Variants in RBFOX1 observed in about 807,000 individuals in gnomAD.
RBFOX1 encodes the protein RNA binding protein fox-1 homolog 1.
In RBFOX1, 8 loss-of-function variants were observed where a neutral mutation model predicts 57.7. The observed-to-expected ratio is 0.14, with a 90% CI of 0.08 to 0.25. RBFOX1 has a LOEUF of 0.25. RBFOX1 is among the 10% of genes least tolerant of loss of function. The pLI is 1.00. For missense variants in RBFOX1, 611 were observed against 548.5 expected (o/e 1.11, Z -1.14); for synonymous variants, 326 against 222.4 (o/e 1.47, Z -4.15).
chr16:7,329,095 C>T (rs191062201), intron 4 of RBFOX1, among the ~76,000 whole-genome samples: 1 of 152,184 alleles, frequency 6.6e-6, no homozygotes, highest in African/African-American at 2.4e-5. Flanking sequence ...CACGCTACAA[C>T]AGCAGAATTT....
At chr16:6,622,367 G>C (rs932035869) in intron 2 of RBFOX1, among the ~76,000 whole-genome samples, 1 of 152,124 alleles carries the variant, frequency 6.6e-6, no homozygotes, top group Admixed American at 6.5e-5. Flanking sequence ...TGTATAGATA[G>C]ATTTAGATAC....
chr16:6,055,151 AG>A (rs1419359310), intron 1 of RBFOX1, among the ~76,000 whole-genome samples: 2 of 152,124 alleles, frequency 1.3e-5, no homozygotes, highest in Admixed American at 1.3e-4. Context: ...GGTCATTTAT[AG>A]TATTTTGGAA....
chr16:6,969,643 C>T (rs950331229), intron 3 of RBFOX1, among the ~76,000 whole-genome samples: 6 of 152,070 alleles, frequency 3.9e-5, no homozygotes, highest in Non-Finnish European at 7.4e-5. Context: ...ACTCGGGAGG[C>T]TGAGGTGGGA....
intron 4 of RBFOX1, among the ~76,000 whole-genome samples, chr16:7,240,332 C>G (rs544480738): frequency 1.8e-4 from 28 of 152,152 alleles, no homozygotes; most frequent in African/African-American, 6.5e-4. Context: ...AGGTAGTGTT[C>G]TAAGTACTTT....
At chr16:7,115,782 C>G (rs1241869245) in intron 4 of RBFOX1, among the ~76,000 whole-genome samples, 4 of 152,172 alleles carry the variant, frequency 2.6e-5, no homozygotes, top group East Asian at 1.9e-4. Flanking sequence ...TTAATCTAGC[C>G]TGCCCCGAAG....
intron 3 of RBFOX1, among the ~76,000 whole-genome samples, chr16:6,701,026 G>T (rs909384229): frequency 7.0e-6 from 1 of 143,384 alleles, no homozygotes; most frequent in Non-Finnish European, 1.5e-5. Context: ...AGAGAGCAGA[G>T]TTGGGCAGAG....
At position 7,381,512 on chromosome 16, in the gene RBFOX1, TTTTTA is replaced by T. The variant is rs746314557; in HGVS notation, c.28-136627_28-136623del. Among the ~76,000 whole-genome samples the T allele has an allele frequency of 5.9e-5, 9 of 152,008 alleles. No homozygotes were observed. The East Asian group carries it at 1.7e-3, about 29-fold the overall frequency. ...ATACATCGTTCCCCCCCGCCTTTTT[TTTTTA>T]TTTTATTAACAGCTTCACAGTGTTC... On this transcript the variant is annotated intron_variant, in intron 4 of 15. Coordinates refer to ENST00000550418, the MANE Select transcript of RBFOX1 (RefSeq NM_018723.4).
intron 1 of RBFOX1, among the ~76,000 whole-genome samples, chr16:5,383,086 A>G (rs2066169600): frequency 1.3e-5 from 2 of 152,208 alleles, no homozygotes; most frequent in South Asian, 4.1e-4. Flanking sequence ...CAGATGCGGC[A>G]CAGTCCGTTA....
At chr16:6,640,366 G>C (rs11077060) in intron 2 of RBFOX1, among the ~76,000 whole-genome samples, 1 of 151,774 alleles carries the variant, frequency 6.6e-6, no homozygotes, top group Non-Finnish European at 1.5e-5. Context: ...CCCAGAACTT[G>C]GGGAGGCCGA....
rs144091444 is a variant in RBFOX1, at chr16:6,827,641, C to A, written c.-16+172991C>A. On this transcript the variant is annotated intron_variant, in intron 3 of 15. Coordinates refer to ENST00000550418, the MANE Select transcript of RBFOX1 (RefSeq NM_018723.4). ...CCATCCTTCACTGCTCAGCAGTCAC[C>A]TCCTTCCCCCTCCTCACCCTTTTGA... 2.0e-5 allele frequency among the ~76,000 whole-genome samples: 3 copies of A among 152,284 alleles called. No homozygotes were observed. The East Asian group carries it at 5.8e-4, about 29-fold the overall frequency.
chr16:6,674,292 A>G (rs2098786679), intron 3 of RBFOX1, among the ~76,000 whole-genome samples: 2 of 151,924 alleles, frequency 1.3e-5, no homozygotes, highest in Admixed American at 1.3e-4. Flanking sequence ...CAGTCGTAAA[A>G]CCAATGACTG....
chr16:7,173,950 G>A lies in RBFOX1; in HGVS notation c.27+121852G>A, dbSNP rs186408759. On this transcript the variant is annotated intron_variant, in intron 4 of 15. Transcript: ENST00000550418. ...CCCACCCTGGGTGACGCAGAGAAAC[G>A]AAATGAAAGACAAACCATTTGGTCT... Among the ~76,000 whole-genome samples, 644 of 152,288 alleles carry A rather than the reference G, an allele frequency of 4.2e-3. 20 individuals are homozygous for A. Among genetic ancestry groups the A allele is most frequent in the Admixed American group, 0.039 (593 of 15,286 alleles).
intron 3 of RBFOX1, among the ~76,000 whole-genome samples, chr16:6,791,694 G>C (rs899457084): frequency 6.6e-6 from 1 of 152,142 alleles, no homozygotes; most frequent in Non-Finnish European, 1.5e-5. Flanking sequence ...GGGAGGCAGA[G>C]GTTGCAGTGA....
intron 1 of RBFOX1, among the ~76,000 whole-genome samples, chr16:6,283,970 A>G (rs1599170335): frequency 6.6e-6 from 1 of 152,338 alleles, no homozygotes; most frequent in African/African-American, 2.4e-5. Flanking sequence ...TGCAATGCAG[A>G]AAGTTCCTTT....
intron 3 of RBFOX1, among the ~76,000 whole-genome samples, chr16:5,818,114 A>C (rs537537814): frequency 6.6e-6 from 1 of 152,200 alleles, no homozygotes; most frequent in Non-Finnish European, 1.5e-5. Flanking sequence ...TCTGATCACT[A>C]GTAATGATAC....
At chr16:7,310,758 C>G (rs902031296) in intron 4 of RBFOX1, among the ~76,000 whole-genome samples, 1 of 152,212 alleles carries the variant, frequency 6.6e-6, no homozygotes, top group African/African-American at 2.4e-5. Context: ...ATACGTGGAA[C>G]TAAATGTGTA....
At chr16:5,733,645 A>T (rs750709259) in intron 3 of RBFOX1, among the ~76,000 whole-genome samples, 1 of 152,088 alleles carries the variant, frequency 6.6e-6, no homozygotes, top group Non-Finnish European at 1.5e-5. Context: ...GTCCACTTGC[A>T]GAGAGCTTTC....
chr16:6,572,295 C>G (rs969456571), intron 2 of RBFOX1, among the ~76,000 whole-genome samples: 1 of 152,126 alleles, frequency 6.6e-6, no homozygotes, highest in Non-Finnish European at 1.5e-5. Context: ...CATGACTCTT[C>G]CAAGTTGTCT....
rs2270128 is a variant in RBFOX1, at chr16:7,708,636, A to C, written c.996-420A>C. 0.014 allele frequency among the ~76,000 whole-genome samples: 2,082 copies of C among 152,168 alleles called. 161 individuals carry two copies. The East Asian group carries it at 0.24, about 17-fold the overall frequency. ...CACCCTTTCTGATTCACCCTATTTC[A>C]CTTGAATGGTGACAGCTGAATCAGG... On this transcript the variant is annotated intron_variant, in intron 14 of 15. Coordinates refer to ENST00000550418, the MANE Select transcript of RBFOX1 (RefSeq NM_018723.4).
Sources: allele counts gnomAD v4.1 joint callset (sites outside exome capture counted in the v4.1 genomes callset), GRCh38; gene constraint gnomAD v4.1.1; transcripts MANE v1.5; gene names NCBI Gene and HGNC (gene_info 2026-07-23, HGNC 2026-07-21).